Variants in KIAA0319L observed in about 807,000 individuals in gnomAD.
The protein encoded by KIAA0319L is KIAA0319 like, also known as dyslexia-associated protein KIAA0319-like protein.
KIAA0319L carries 55 observed loss-of-function variants against 120.1 expected under a neutral mutation model. The observed-to-expected ratio is 0.46, with a 90% CI of 0.37 to 0.57. The LOEUF is 0.57. KIAA0319L is among the 20% of genes least tolerant of loss of function. KIAA0319L has a pLI of 0.00. For missense variants in KIAA0319L, 1,049 were observed against 1,255.3 expected (o/e 0.84, Z 2.48); for synonymous variants, 398 against 471.9 (o/e 0.84, Z 2.03).
chr1:35,528,784 T>G (rs1646252369), intron 2 of KIAA0319L, among the ~76,000 whole-genome samples: 1 of 152,166 alleles, frequency 6.6e-6, no homozygotes, highest in Non-Finnish European at 1.5e-5. Flanking sequence ...GGTGAACTGG[T>G]GTTGGGTGTA....
intron 20 of KIAA0319L, among the ~76,000 whole-genome samples, chr1:35,436,530 C>T (rs1216031843): frequency 6.6e-6 from 1 of 152,232 alleles, no homozygotes; most frequent in African/African-American, 2.4e-5. Flanking sequence ...TGCCTCACCC[C>T]TTGAAATACC....
At chr1:35,471,092 C>T (rs1189046919) in intron 5 of KIAA0319L, 132 bp from the exon 6 acceptor site, 1 of 645,898 alleles carries the variant, frequency 1.5e-6, no homozygotes, top group Non-Finnish European at 2.8e-6. Flanking sequence ...ACCCCAAAGC[C>T]TGTAGGGAAA....
At chr1:35,514,937 C>T (rs892085642) in intron 2 of KIAA0319L, among the ~76,000 whole-genome samples, 1 of 152,190 alleles carries the variant, frequency 6.6e-6, no homozygotes, top group Non-Finnish European at 1.5e-5. Flanking sequence ...ACAGAATATA[C>T]ATTCTTCTTA....
intron 8 of KIAA0319L, 66 bp downstream of exon 8, chr1:35,462,555 T>C: frequency 7.5e-7 from 1 of 1,329,418 alleles, no homozygotes. Context: ...AATCTTCTAC[T>C]AGAGTTTTCT....
Position 35,466,638 on chromosome 1 carries a change from C to T in KIAA0319L, c.1171G>A (p.Glu391Lys). ...TTGACTGTCACGTTCACATAGCCTT[C>T]CCCATGGGCATTTTGACCCTCTACA... ...VIVEGQNAHG[E>K]GYVNVTVKPE... The change falls in exon 7 of 21, where the codon GAA (glutamate) becomes AAA (lysine). Residue 391 changes from glutamate to lysine, a missense_variant. Coordinates refer to ENST00000325722, the MANE Select transcript of KIAA0319L (RefSeq NM_024874.5). 1.2e-6 allele frequency: 2 copies of T among 1,613,652 alleles called. No homozygotes were observed. Among genetic ancestry groups the T allele is most frequent in the Non-Finnish European group, 1.7e-6 (2 of 1,179,652 alleles).
In KIAA0319L at chr1:35,462,675, G is replaced by A; in HGVS notation, c.1240C>T (p.Pro414Ser). Residue 414 changes from proline (P) to serine (S), a missense_variant, in exon 8 of 21, where the codon CCT becomes TCT. Coordinates refer to ENST00000325722, the MANE Select transcript of KIAA0319L (RefSeq NM_024874.5). ...KNRPPIAIVSPQFQEISLPTT... is the reference protein window; with the variant it reads ...KNRPPIAIVSSQFQEISLPTT... ...GGCAAAGAGATCTCCTGGAACTGAGGTGACACAATAGCAATGGGGGGCCGA... is the reference window on the plus strand; with the variant it reads ...GGCAAAGAGATCTCCTGGAACTGAGATGACACAATAGCAATGGGGGGCCGA... The A allele has an allele frequency of 6.2e-7, 1 of 1,614,166 alleles. No individual in the cohort carries two copies. Among genetic ancestry groups the A allele is most frequent in the Non-Finnish European group, 8.5e-7 (1 of 1,180,004 alleles).
intron 2 of KIAA0319L, among the ~76,000 whole-genome samples, chr1:35,553,957 C>CT (rs1647552205): frequency 6.6e-6 from 1 of 152,224 alleles, no homozygotes; most frequent in African/African-American, 2.4e-5. Flanking sequence ...AATAGCAAGA[C>CT]TAAGCACCCA....
At chr1:35,502,698 C>G (rs1328907381) in intron 3 of KIAA0319L, among the ~76,000 whole-genome samples, 1 of 152,208 alleles carries the variant, frequency 6.6e-6, no homozygotes. Flanking sequence ...CCAGCACTCA[C>G]AATTACCCAT....
At chr1:35,525,825 GC>G (rs372625039) in intron 2 of KIAA0319L, among the ~76,000 whole-genome samples, 120 of 152,226 alleles carry the variant, frequency 7.9e-4, no homozygotes, top group African/African-American at 2.8e-3. Flanking sequence ...CTGTGCAGAA[GC>G]TTTTTAGCTT....
chr1:35,463,129 C>G (rs745611620), intron 7 of KIAA0319L, among the ~76,000 whole-genome samples: 1 of 152,196 alleles, frequency 6.6e-6, no homozygotes, highest in Non-Finnish European at 1.5e-5. Flanking sequence ...AGGCCACGGA[C>G]AGATAGCAGT....
intron 2 of KIAA0319L, among the ~76,000 whole-genome samples, chr1:35,552,845 G>C (rs1455886972): frequency 6.6e-6 from 1 of 152,174 alleles, no homozygotes; most frequent in East Asian, 1.9e-4. Context: ...GCCGAGGCAT[G>C]CAGATCACTT....
At chr1:35,534,526 A>C (rs1646492695) in intron 2 of KIAA0319L, among the ~76,000 whole-genome samples, 1 of 152,194 alleles carries the variant, frequency 6.6e-6, no homozygotes, top group South Asian at 2.1e-4. Context: ...GTCACTAAAA[A>C]GCCTCAAAGA....
At position 35,548,276 on chromosome 1, in the gene KIAA0319L, T is replaced by A. The variant is rs142912385; in HGVS notation, c.142+6074A>T. ...TCAACTTTCTCCTGGACTATTTCAT[T>A]AACATGCTAATGGATACCCTAACCT... is the stretch of plus-strand genomic sequence containing the variant. On this transcript the variant is annotated intron_variant, in intron 2 of 20. Coordinates refer to ENST00000325722, the MANE Select transcript of KIAA0319L (RefSeq NM_024874.5). Among the ~76,000 whole-genome samples, 264 of 152,220 alleles carry A rather than the reference T, an allele frequency of 1.7e-3. 1 individual carries two copies. Among genetic ancestry groups the A allele is most frequent in the African/African-American group, 6.0e-3 (251 of 41,520 alleles).
intron 2 of KIAA0319L, among the ~76,000 whole-genome samples, chr1:35,554,047 G>T (rs962140508): frequency 7.9e-5 from 12 of 152,184 alleles, no homozygotes; most frequent in Non-Finnish European, 1.6e-4. Flanking sequence ...CTTCCTCAAA[G>T]ATAATAGGTA....
chr1:35,443,600 G>A (rs1641388899), intron 17 of KIAA0319L, among the ~76,000 whole-genome samples: 1 of 151,958 alleles, frequency 6.6e-6, no homozygotes, highest in Admixed American at 6.5e-5. Flanking sequence ...TGAACCCGGG[G>A]GGGCGGAGGT....
chr1:35,480,846 T>C (rs974270404), intron 3 of KIAA0319L, among the ~76,000 whole-genome samples: 1 of 152,068 alleles, frequency 6.6e-6, no homozygotes, highest in Non-Finnish European at 1.5e-5. Flanking sequence ...ATTTCAAGTA[T>C]ATAAGGTCAA....
chr1:35,460,573 A>G (rs1642820181), intron 8 of KIAA0319L, 136 bp from the exon 9 acceptor site: 2 of 739,180 alleles, frequency 2.7e-6, no homozygotes, highest in East Asian at 2.6e-5. Flanking sequence ...ATCTCTCCAG[A>G]ATGTTTCTTC....
chr1:35,551,321 G>C (rs1438290040), intron 2 of KIAA0319L, among the ~76,000 whole-genome samples: 1 of 151,788 alleles, frequency 6.6e-6, no homozygotes, highest in East Asian at 1.9e-4. Flanking sequence ...TTATTTATTT[G>C]TTCTTTTTTC....
chr1:35,439,824 G>C (rs1641069649), intron 20 of KIAA0319L: 1 of 152,062 alleles, frequency 6.6e-6, no homozygotes, highest in Non-Finnish European at 1.5e-5. Flanking sequence ...AGAGATTACT[G>C]GATGAACCAG....
Sources: allele counts gnomAD v4.1 joint callset (sites outside exome capture counted in the v4.1 genomes callset), GRCh38; gene constraint gnomAD v4.1.1; transcripts MANE v1.5; gene names NCBI Gene and HGNC (gene_info 2026-07-23, HGNC 2026-07-21).